SAP30: variants seen among roughly 807,000 people sequenced by gnomAD.
SAP30 encodes the protein histone deacetylase complex subunit SAP30.
Under a neutral mutation model 19.6 loss-of-function variants are expected in SAP30, and 13 were observed. The ratio of observed to expected loss-of-function variants is 0.66; its 90% CI spans 0.43 to 1.05. SAP30 has a LOEUF of 1.05. SAP30 is among the 50% of genes least tolerant of loss of function. The pLI is 0.00. For synonymous variants in SAP30, 108 were observed against 122.7 expected, an observed-to-expected ratio of 0.88 and a Z score of 0.79; for missense variants, 257 against 292.1, an observed-to-expected ratio of 0.88 and a Z score of 0.88.
In SAP30 at chr4:173,377,427, CTCTGATTTTATTT is replaced by C; in HGVS notation, c.*104_*116del. 2.5e-6 allele frequency: 3 copies of C among 1,196,500 alleles called. No individual in the cohort carries two copies. The highest frequency in any genetic ancestry group is 2.3e-6 in the Non-Finnish European group (2 of 860,186). The allele number at this position is 1,196,500 out of a possible 1,614,324, so 74.1% of individuals were successfully genotyped here. A position where few individuals can be genotyped will look rare whatever the true frequency, so the allele number is the denominator to read the frequency against. ...GTGTATTTTTTCTACAGAGGATTTT[CTCTGATTTTATTT>C]TCTTTGTTTCTGACTCTAATAATTA... On this transcript the variant is annotated 3_prime_UTR_variant, in exon 4 of 4. Coordinates refer to ENST00000296504, the MANE Select transcript of SAP30 (RefSeq NM_003864.4).
rs1560822172 is a variant in SAP30, at chr4:173,371,241, C to T, written c.59C>T (p.Ala20Val). The T allele has an allele frequency of 7.1e-7, 1 of 1,403,096 alleles. No individual in the cohort carries two copies. The highest frequency in any genetic ancestry group is 9.2e-7 in the Non-Finnish European group (1 of 1,081,168). 86.9% of individuals were successfully genotyped at this position (1,403,096 alleles called of 1,614,324 possible). A position where few individuals can be genotyped will look rare whatever the true frequency, so the allele number is the denominator to read the frequency against. The stretch of plus-strand genomic sequence containing the variant: ...GGCGGGGATGCGGCCGCCGCAGTGG[C>T]CGCAGTGGTCGCTGCCGCGGCCGCC... ...SRGGDAAAAV[A>V]AVVAAAAAAA... is the part of the protein sequence containing the mutation. The change falls in exon 1 of 4, where the codon GCC (alanine) becomes GTC (valine). Residue 20 changes from alanine (A) to valine (V), a missense_variant. Transcript: ENST00000296504. This position sits in a 1 kb window ranked among gnomAD's most constrained non-coding sequence, Gnocchi z 6.4.
Position 173,373,372 on chromosome 4 carries a change from A to C in SAP30, c.316-18A>C. 4.4e-6 allele frequency: 7 copies of C among 1,596,042 alleles called. No individual in the cohort carries two copies. The highest frequency in any genetic ancestry group is 5.1e-6 in the Non-Finnish European group (6 of 1,172,396). On this transcript the variant is annotated intron_variant, in intron 1 of 3. Transcript: ENST00000296504. ...TTTACTGTAATCATAAGCAGTGTGTAAAACTTTTCTGTTTCAGGCAAGGCA... is the reference window on the plus strand; with the variant it reads ...TTTACTGTAATCATAAGCAGTGTGTCAAACTTTTCTGTTTCAGGCAAGGCA...
intron 3 of SAP30, among the ~76,000 whole-genome samples, chr4:173,374,336 C>T (rs1419268731): frequency 6.6e-6 from 1 of 152,164 alleles, no homozygotes; most frequent in African/African-American, 2.4e-5. Context: ...AGTGCAGTGG[C>T]ATGATCTTGG....
At position 173,371,442 on chromosome 4, in the gene SAP30, A is replaced by G. The variant is rs548227990; in HGVS notation, c.260A>G (p.Lys87Arg). The change falls in exon 1 of 4, where the codon AAG becomes AGG. Residue 87 changes from lysine (K) to arginine (R), a missense_variant. By Grantham distance (26) the Lys-to-Arg change is conservative. Transcript: ENST00000296504. The surrounding 1 kb of genome is among the most constrained non-coding windows in gnomAD (Gnocchi z 6.4). ...GCGGCAGGCAACGCCAGCTTCAGCA[A>G]GAGGATCCAGAAGAGCATCTCCCAG... ...GRAAGNASFS[K>R]RIQKSISQKK... 3.1e-6 allele frequency: 5 copies of G among 1,591,274 alleles called. No homozygotes were observed. Among genetic ancestry groups the G allele is most frequent in the East Asian group, 2.3e-5 (1 of 44,132 alleles).
In SAP30 at chr4:173,377,343, G is replaced by A. The variant is rs1003230286; in HGVS notation, c.*16G>A. ...TGTTCACTAGGAGACGTGGAATTGAGACTAATAACTTGGATGTTAACACTG... is the reference window on the plus strand; with the variant it reads ...TGTTCACTAGGAGACGTGGAATTGAAACTAATAACTTGGATGTTAACACTG... On this transcript the variant is annotated 3_prime_UTR_variant, in exon 4 of 4. Coordinates refer to ENST00000296504, the MANE Select transcript of SAP30 (RefSeq NM_003864.4). The A allele has an allele frequency of 5.0e-6, 8 of 1,594,712 alleles. No individual in the cohort carries two copies. The African/African-American group carries it at 1.1e-4, about 22-fold the overall frequency.
At position 173,371,105 on chromosome 4, in the gene SAP30, C is replaced by G. The variant is rs1356347527; in HGVS notation, c.-78C>G. On this transcript the variant is annotated 5_prime_UTR_variant, in exon 1 of 4. Transcript: ENST00000296504. This position sits in a 1 kb window ranked among gnomAD's most constrained non-coding sequence, Gnocchi z 6.4. The stretch of plus-strand genomic sequence containing the variant: ...TAACTTGGTGTGCAGAGTGAATTGC[C>G]GCTGCCGGAGCGGAGAGAGGCGGAG... 5 of 1,361,146 alleles carry G rather than the reference C, an allele frequency of 3.7e-6. No homozygotes were observed. The highest frequency in any genetic ancestry group is 4.8e-6 in the Non-Finnish European group (5 of 1,051,974). The allele number at this position is 1,361,146 out of a possible 1,614,324, so 84.3% of individuals were successfully genotyped here. A position where few individuals can be genotyped will look rare whatever the true frequency, so the allele number is the denominator to read the frequency against.
rs367820426 is a variant in SAP30, at chr4:173,374,469, T to C, written c.540+432T>C. On this transcript the variant is annotated intron_variant, in intron 3 of 3. Transcript: ENST00000296504. ...TTTTGTATAATATTTTTAGTAGAGA[T>C]AGGGTTTCACCATGTTGGCCAGACT... 5.9e-5 allele frequency among the ~76,000 whole-genome samples: 9 copies of C among 152,126 alleles called. No homozygotes were observed. The East Asian group carries it at 1.2e-3, about 20-fold the overall frequency.
In SAP30 at chr4:173,371,198, C is replaced by G. The variant is rs755058022; in HGVS notation, c.16C>G (p.Pro6Ala). The G allele has an allele frequency of 6.7e-7, 1 of 1,494,788 alleles. No homozygotes were observed. The highest frequency in any genetic ancestry group is 1.5e-5 in the African/African-American group (1 of 68,742). The allele number at this position is 1,494,788 out of a possible 1,614,324, so 92.6% of individuals were successfully genotyped here. The change falls in exon 1 of 4, where the codon CCT (proline) becomes GCT (alanine). Residue 6 changes from proline to alanine, a missense_variant. Physicochemically the swap from Pro to Ala is conservative, Grantham distance 27 (BLOSUM62 -1). Transcript: ENST00000296504. This position sits in a 1 kb window ranked among gnomAD's most constrained non-coding sequence, Gnocchi z 6.4. MNGFT[P>A]DEMSRGGDAA... ...GCTCGGAGACATGAACGGCTTCACG[C>G]CTGACGAGATGAGCCGCGGCGGGGA...
intron 3 of SAP30, 108 bp from the exon 4 acceptor site, chr4:173,377,097 C>A: frequency 1.5e-6 from 1 of 660,690 alleles, no homozygotes; most frequent in Non-Finnish European, 2.5e-6. Context: ...AAGGAAATAG[C>A]CCTTATCACA....
In SAP30 at chr4:173,377,506, T is replaced by A. The variant is rs1578953105; in HGVS notation, c.*179T>A. 4 of 515,720 alleles carry A rather than the reference T, an allele frequency of 7.8e-6. No individual in the cohort carries two copies. The Admixed American group carries it at 1.7e-4, about 22-fold the overall frequency. The allele number at this position is 515,720 out of a possible 1,614,324, so 31.9% of individuals were successfully genotyped here. A position where few individuals can be genotyped will look rare whatever the true frequency, so the allele number is the denominator to read the frequency against. On this transcript the variant is annotated 3_prime_UTR_variant, in exon 4 of 4. Coordinates refer to ENST00000296504, the MANE Select transcript of SAP30 (RefSeq NM_003864.4). ...AAAATGAGCTTTCCTAAATTAAATC[T>A]ATTTTAAATAAAGGTTATTACTATT...
At position 173,371,572 on chromosome 4, in the gene SAP30, G is replaced by A; in HGVS notation, c.315+75G>A. ...CAGGAGCCGGGCAAAGGCACGGGTT[G>A]TCGGCGGGGTCCCCCAGACAACCGC... is the stretch of plus-strand genomic sequence containing the variant. On this transcript the variant is annotated intron_variant, in intron 1 of 3. Transcript: ENST00000296504. The surrounding 1 kb of genome is among the most constrained non-coding windows in gnomAD (Gnocchi z 6.4). 1 of 1,525,170 alleles carries A rather than the reference G, an allele frequency of 6.6e-7. No individual in the cohort carries two copies. Among genetic ancestry groups the A allele is most frequent in the South Asian group, 1.1e-5 (1 of 87,872 alleles). 94.5% of individuals were successfully genotyped at this position (1,525,170 alleles called of 1,614,324 possible). A position where few individuals can be genotyped will look rare whatever the true frequency, so the allele number is the denominator to read the frequency against.
rs1738985993 is a variant in SAP30 at position 173,373,454 on chromosome 4, AGAGAAAAGG to A, written c.384_392del (p.Arg128_Gly130del). On this transcript the variant is annotated inframe_deletion, in exon 2 of 4. Coordinates refer to ENST00000296504, the MANE Select transcript of SAP30 (RefSeq NM_003864.4). ...ATTCAGAGTGTTCGAAACAGAAGAA[AGAGAAAAGG>A]GAGTGATGATGATGGAGGTGATTCA... 1 of 1,613,286 alleles carries A rather than the reference AGAGAAAAGG, an allele frequency of 6.2e-7. No homozygotes were observed. Among genetic ancestry groups the A allele is most frequent in the African/African-American group, 1.3e-5 (1 of 74,892 alleles).
chr4:173,373,288 C>A, intron 1 of SAP30, 102 bp from the exon 2 acceptor site: 1 of 1,033,236 alleles, frequency 9.7e-7, no homozygotes, highest in Non-Finnish European at 1.4e-6. Flanking sequence ...CCCATCTTGG[C>A]TGTCTTTATT....
chr4:173,376,276 G>A (rs1382366266), intron 3 of SAP30, among the ~76,000 whole-genome samples: 1 of 152,190 alleles, frequency 6.6e-6, no homozygotes, highest in African/African-American at 2.4e-5. Context: ...AAAAAGCAAG[G>A]AAGCAGGTAA....
intron 3 of SAP30, among the ~76,000 whole-genome samples, chr4:173,376,745 A>G (rs1043691175): frequency 6.6e-6 from 1 of 151,878 alleles, no homozygotes; most frequent in Admixed American, 6.6e-5. Context: ...AAGCCTTCTG[A>G]GTAGCTAGGA....
intron 3 of SAP30, among the ~76,000 whole-genome samples, chr4:173,374,440 T>C (rs115265545): frequency 6.4e-4 from 98 of 152,276 alleles, no homozygotes; most frequent in Non-Finnish European, 1.2e-3. Flanking sequence ...CACACCAGGC[T>C]AATTTTTGTA....
intron 3 of SAP30, among the ~76,000 whole-genome samples, chr4:173,375,346 G>A (rs1739016511): frequency 6.6e-6 from 1 of 151,956 alleles, no homozygotes; most frequent in African/African-American, 2.4e-5. Flanking sequence ...TAACTATTTA[G>A]CTAAAATTTT....
At chr4:173,373,233 C>G (rs994291696) in intron 1 of SAP30, among the ~76,000 whole-genome samples, 157 bp from the exon 2 acceptor site, 1 of 152,074 alleles carries the variant, frequency 6.6e-6, no homozygotes, top group Non-Finnish European at 1.5e-5. Context: ...TATGTTTTAG[C>G]GTATAGGATT....
At position 173,371,137 on chromosome 4, in the gene SAP30, GGA is replaced by G. The variant is rs747745081; in HGVS notation, c.-40_-39del. The G allele has an allele frequency of 4.2e-6, 6 of 1,436,382 alleles. No homozygotes were observed. The highest frequency in any genetic ancestry group is 3.0e-5 in the African/African-American group (2 of 66,152). 89.0% of individuals were successfully genotyped at this position (1,436,382 alleles called of 1,614,324 possible). On this transcript the variant is annotated 5_prime_UTR_variant, in exon 1 of 4. Transcript: ENST00000296504. This position sits in a 1 kb window ranked among gnomAD's most constrained non-coding sequence, Gnocchi z 6.4. ...GGAGCGGAGAGAGGCGGAGCGGCCA[GGA>G]GAGAGGGGATTTCTGTCAGCGCCGG... is the stretch of plus-strand genomic sequence containing the variant.
Sources: allele counts gnomAD v4.1 joint callset (sites outside exome capture counted in the v4.1 genomes callset), GRCh38; gene constraint gnomAD v4.1.1; non-coding constraint Gnocchi (gnomAD v3.1); transcripts MANE v1.5; gene names NCBI Gene and HGNC (gene_info 2026-07-23, HGNC 2026-07-21).